The following GRK7 variants were observed in gnomAD, a reference collection of about 807,000 sequenced individuals.
GRK7 encodes the protein G protein-coupled receptor kinase 7, also known as rhodopsin kinase GRK7.
Under a neutral mutation model 34.1 loss-of-function variants are expected in GRK7, and 24 were observed. That is an observed-to-expected ratio of 0.70 (90% confidence interval 0.51 to 0.99). GRK7 has a LOEUF of 0.99. Among genes scored for constraint, GRK7 ranks in the 50% least tolerant of loss-of-function variants. The pLI, the probability that GRK7 is intolerant of heterozygous loss-of-function variation, is 0.00. For synonymous variants in GRK7, 256 were observed against 279.4 expected, an observed-to-expected ratio of 0.92 and a Z score of 0.84; for missense variants, 644 against 707.3, an observed-to-expected ratio of 0.91 and a Z score of 1.02.
intron 2 of GRK7, among the ~76,000 whole-genome samples, chr3:141,776,484 T>C (rs1404739027): frequency 1.3e-5 from 2 of 151,992 alleles, no homozygotes; most frequent in Non-Finnish European, 2.9e-5. Context: ...GGGTAACATA[T>C]AAAGAACAGA....
At chr3:141,775,191 G>A (rs2084633547) in intron 2 of GRK7, among the ~76,000 whole-genome samples, 1 of 152,156 alleles carries the variant, frequency 6.6e-6, no homozygotes, top group Admixed American at 6.5e-5. Flanking sequence ...CTTGAGGTCA[G>A]GAGTTCAGAA....
intron 1 of GRK7, among the ~76,000 whole-genome samples, chr3:141,767,621 A>T (rs2084595742): frequency 6.6e-6 from 1 of 151,978 alleles, no homozygotes; most frequent in South Asian, 2.1e-4. Flanking sequence ...GACTAGTCTC[A>T]AACTCCTGAC....
chr3:141,815,141 T>G (rs1711138739), intron 5 of GRK7, among the ~76,000 whole-genome samples: 1 of 152,112 alleles, frequency 6.6e-6, no homozygotes, highest in South Asian at 2.1e-4. Flanking sequence ...CCCAGGCTGG[T>G]CTCAAACTCC....
At chr3:141,791,816 C>T (rs1463324278) in intron 4 of GRK7, among the ~76,000 whole-genome samples, 1 of 151,378 alleles carries the variant, frequency 6.6e-6, no homozygotes, top group Non-Finnish European at 1.5e-5. Flanking sequence ...CCAGCCTGGC[C>T]AACATGGTGA....
intron 4 of GRK7, among the ~76,000 whole-genome samples, chr3:141,785,018 C>T (rs1334610461): frequency 6.6e-6 from 1 of 152,230 alleles, no homozygotes; most frequent in African/African-American, 2.4e-5. Flanking sequence ...CATCCTCTCA[C>T]CAGACATTTC....
intron 4 of GRK7, among the ~76,000 whole-genome samples, chr3:141,798,685 C>T (rs545942662): frequency 8.6e-4 from 131 of 152,300 alleles, no homozygotes; most frequent in African/African-American, 3.0e-3. Flanking sequence ...TCCCACCCTA[C>T]TCTGAGGAGG....
chr3:141,781,452 G>A (rs892056143), intron 4 of GRK7, among the ~76,000 whole-genome samples: 2 of 151,162 alleles, frequency 1.3e-5, no homozygotes, highest in Non-Finnish European at 2.9e-5. Context: ...CAGGAGAATC[G>A]CTTGAACCCA....
chr3:141,815,239 G>T (rs1288683326), intron 5 of GRK7, among the ~76,000 whole-genome samples: 3 of 140,030 alleles, frequency 2.1e-5, no homozygotes, highest in African/African-American at 8.0e-5. Context: ...TTTTTTGTTT[G>T]TTTGTTTGTT....
chr3:141,799,657 G>A (rs1374998718), intron 4 of GRK7, among the ~76,000 whole-genome samples: 1 of 151,874 alleles, frequency 6.6e-6, no homozygotes, highest in African/African-American at 2.4e-5. Context: ...TTAGGTTGGT[G>A]ATCTTAGGCA....
rs1045140344 is a variant in GRK7, at chr3:141,763,760, C to G, written c.-2193C>G. On this transcript the variant is annotated 5_prime_UTR_variant, in exon 1 of 6. Coordinates refer to ENST00000682958, the MANE Select transcript of GRK7 (RefSeq NM_139209.3). ...CTCCTAACTCTAATTCCAAGTAGTT[C>G]TTTACATTCCCTTTTATTCCTGCAA... is the stretch of plus-strand genomic sequence containing the variant. 1.3e-5 allele frequency among the ~76,000 whole-genome samples: 2 copies of G among 152,188 alleles called. No individual in the cohort carries two copies. Among genetic ancestry groups the G allele is most frequent in the Non-Finnish European group, 2.9e-5 (2 of 68,044 alleles).
intron 4 of GRK7, among the ~76,000 whole-genome samples, chr3:141,784,332 G>A (rs541838050): frequency 3.3e-5 from 5 of 152,148 alleles, no homozygotes; most frequent in South Asian, 4.1e-4. Flanking sequence ...ATCCCTCTCC[G>A]TCCCGTGAGA....
At chr3:141,813,664 C>A (rs1373016280) in intron 5 of GRK7, among the ~76,000 whole-genome samples, 4 of 152,108 alleles carry the variant, frequency 2.6e-5, no homozygotes, top group South Asian at 2.1e-4. Context: ...CCGGATAGAC[C>A]TTTCTGGAAG....
In GRK7 at chr3:141,807,825, G is replaced by A. The variant is rs200924184; in HGVS notation, c.1231G>A (p.Glu411Lys). 5.4e-5 allele frequency: 87 copies of A among 1,613,986 alleles called. No individual in the cohort carries two copies. Among genetic ancestry groups the A allele is most frequent in the Middle Eastern group, 1.6e-4 (1 of 6,062 alleles). ...TCTGAAGCAAAGAACTCTGCAAGACGAGGTCAAATTCCAGCATGATAACTT... is the reference window on the plus strand; with the variant it reads ...TCTGAAGCAAAGAACTCTGCAAGACAAGGTCAAATTCCAGCATGATAACTT... ...EDLKQRTLQD[E>K]VKFQHDNFTE... Residue 411 changes from glutamate to lysine, a missense_variant, in exon 5 of 6, where the codon GAG becomes AAG. Glu to Lys is a moderately conservative substitution (Grantham distance 56). Coordinates refer to ENST00000682958, the MANE Select transcript of GRK7 (RefSeq NM_139209.3).
chr3:141,812,142 G>A (rs985282070), intron 5 of GRK7, among the ~76,000 whole-genome samples: 1 of 152,098 alleles, frequency 6.6e-6, no homozygotes, highest in African/African-American at 2.4e-5. Flanking sequence ...TGGTATCTTT[G>A]CTTCATTGAC....
chr3:141,751,221 T>TA, the GRK7 span, among the ~76,000 whole-genome samples: 12 of 152,210 alleles, frequency 7.9e-5, no homozygotes. Flanking sequence ...TAGTCATTCT[T>TA]ATACCTTCAT....
chr3:141,784,728 T>C (rs1182204602), intron 4 of GRK7, among the ~76,000 whole-genome samples: 1 of 152,228 alleles, frequency 6.6e-6, no homozygotes, highest in Non-Finnish European at 1.5e-5. Context: ...ACTGTGAACA[T>C]TAATTCTGTG....
intron 1 of GRK7, among the ~76,000 whole-genome samples, chr3:141,772,164 A>G (rs2084619823): frequency 6.6e-6 from 1 of 151,050 alleles, no homozygotes; most frequent in African/African-American, 2.4e-5. Context: ...GGACTATCTC[A>G]GCTCACTGCA....
chr3:141,774,412 A>T (rs1013023404), intron 1 of GRK7, among the ~76,000 whole-genome samples, 168 bp from the exon 2 acceptor site: 4 of 152,048 alleles, frequency 2.6e-5, no homozygotes, highest in African/African-American at 9.7e-5. Flanking sequence ...ACAGAGTGAG[A>T]CCCTGTCTCA....
At chr3:141,757,129 C>CTTTTTTTTTTTTTT in the GRK7 span, among the ~76,000 whole-genome samples, 5 of 101,356 alleles carry the variant, frequency 4.9e-5, no homozygotes, top group East Asian at 2.8e-4. Flanking sequence ...AGATCTTCTT[C>CTTTTTTTTTTTTTT]TTTTTTTTTT....
Sources: allele counts gnomAD v4.1 joint callset (sites outside exome capture counted in the v4.1 genomes callset), GRCh38; gene constraint gnomAD v4.1.1; transcripts MANE v1.5; gene names NCBI Gene and HGNC (gene_info 2026-07-23, HGNC 2026-07-21).